Variants in MMS19 observed in about 807,000 individuals in gnomAD.
MMS19 encodes the protein MMS19 cytosolic iron-sulfur assembly component.
MMS19 carries 77 observed loss-of-function variants against 129.8 expected under a neutral mutation model. The ratio of observed to expected loss-of-function variants is 0.59; its 90% confidence interval spans 0.49 to 0.72. The LOEUF (loss-of-function observed/expected upper bound fraction) is 0.72, where lower values mean the gene tolerates loss of function less well. Ranked by LOEUF, MMS19 falls within the 30% of genes least tolerant of loss-of-function variation. The pLI, the probability that MMS19 is intolerant of heterozygous loss-of-function variation, is 0.00. For missense variants in MMS19, 1,168 were observed against 1,266.3 expected (o/e 0.92, Z 1.18); for synonymous variants, 491 against 502.8 (o/e 0.98, Z 0.31).
At chr10:97,495,727 A>C (rs1270058679) in intron 1 of MMS19, among the ~76,000 whole-genome samples, 1 of 152,122 alleles carries the variant, frequency 6.6e-6, no homozygotes, top group African/African-American at 2.4e-5. Context: ...ACACAATCCA[A>C]CCCTACCAAA....
chr10:97,469,423 G>A (rs2034218075), intron 11 of MMS19, among the ~76,000 whole-genome samples: 1 of 152,172 alleles, frequency 6.6e-6, no homozygotes, highest in Non-Finnish European at 1.5e-5. Context: ...AGTGGGTAAT[G>A]TGCAAAGGTG....
At chr10:97,472,700 C>T (rs1589660441) in intron 8 of MMS19, among the ~76,000 whole-genome samples, 1 of 152,152 alleles carries the variant, frequency 6.6e-6, no homozygotes, top group South Asian at 2.1e-4. Flanking sequence ...ACCTCTGCCT[C>T]CCCAGCCCAA....
intron 6 of MMS19, 171 bp downstream of exon 6, chr10:97,477,174 ACT>A (rs2035921308): frequency 1.4e-6 from 2 of 1,476,044 alleles, no homozygotes. Context: ...GCTCAAACAA[ACT>A]CTACCCTTTC....
intron 3 of MMS19, among the ~76,000 whole-genome samples, chr10:97,479,634 A>C (rs1166551008): frequency 1.3e-5 from 2 of 152,264 alleles, no homozygotes; most frequent in Admixed American, 1.3e-4. Flanking sequence ...ATTTTTTCCC[A>C]ATCAGTCACA....
At chr10:97,485,732 G>A (rs1311357484) in intron 1 of MMS19, among the ~76,000 whole-genome samples, 1 of 152,228 alleles carries the variant, frequency 6.6e-6, no homozygotes, top group Non-Finnish European at 1.5e-5. Flanking sequence ...ACAGGCATAA[G>A]CCACCGCACC....
intron 14 of MMS19, among the ~76,000 whole-genome samples, chr10:97,467,222 G>A (rs1378937215): frequency 1.1e-4 from 16 of 152,066 alleles, no homozygotes; most frequent in Admixed American, 9.8e-4. Flanking sequence ...CAAGTTTTCC[G>A]CCTGCCTTAG....
chr10:97,486,895 A>ATATATATATATT (rs57015711), intron 1 of MMS19, among the ~76,000 whole-genome samples: 1 of 140,284 alleles, frequency 7.1e-6, no homozygotes, highest in Non-Finnish European at 1.6e-5. Flanking sequence ...ATATATATAT[A>ATATATATATATT]AAATTAAGAC....
chr10:97,486,097 A>G (rs1043589144), intron 1 of MMS19, among the ~76,000 whole-genome samples: 40 of 152,238 alleles, frequency 2.6e-4, no homozygotes, highest in African/African-American at 9.2e-4. Flanking sequence ...TAAATCAATA[A>G]AGAAAATGTG....
intron 9 of MMS19, 128 bp from the exon 10 acceptor site, chr10:97,470,331 G>T: frequency 1.4e-6 from 1 of 695,064 alleles, no homozygotes. Flanking sequence ...CAAGTCAGGA[G>T]CTATGAATGT....
At chr10:97,459,965 C>A in intron 26 of MMS19, 81 bp downstream of exon 26, 1 of 1,444,694 alleles carries the variant, frequency 6.9e-7, no homozygotes, top group Non-Finnish European at 9.5e-7. Flanking sequence ...AAGAAGCAAG[C>A]GGGCCCTAAA....
At chr10:97,496,350 T>C (rs1245456197) in intron 1 of MMS19, among the ~76,000 whole-genome samples, 1 of 151,810 alleles carries the variant, frequency 6.6e-6, no homozygotes, top group Non-Finnish European at 1.5e-5. Flanking sequence ...ACCTCGTCAC[T>C]ACAATACAAA....
At chr10:97,471,777 C>T (rs983361813) in intron 8 of MMS19, among the ~76,000 whole-genome samples, 1 of 152,188 alleles carries the variant, frequency 6.6e-6, no homozygotes, top group Admixed American at 6.5e-5. Context: ...TCCCGAAGTG[C>T]TGGGATTACA....
intron 3 of MMS19, among the ~76,000 whole-genome samples, chr10:97,479,460 C>T (rs7893589): frequency 0.012 from 1,857 of 152,200 alleles, 34 homozygotes; most frequent in African/African-American, 0.043. Flanking sequence ...GGAGTCATCA[C>T]CCCAAACCCC....
intron 20 of MMS19, 29 bp downstream of exon 20, chr10:97,462,554 G>A (rs1426847627): frequency 6.4e-7 from 1 of 1,550,686 alleles, no homozygotes; most frequent in African/African-American, 1.4e-5. Flanking sequence ...TTCTCCCTGG[G>A]TTCAAGCCAC....
chr10:97,498,648 G>T (rs1399400880), upstream of MMS19: 1 of 486,700 alleles, frequency 2.1e-6, no homozygotes. Context: ...CCGGGAGACG[G>T]GCTGCGGGGC....
Position 97,458,427 on chromosome 10 carries a change from C to A in MMS19, c.*265G>T. 1 of 485,328 alleles carries A rather than the reference C, an allele frequency of 2.1e-6. No homozygotes were observed. The highest frequency in any genetic ancestry group is 3.7e-6 in the Non-Finnish European group (1 of 273,968). The allele number at this position is 485,328 out of a possible 1,614,324, so 30.1% of individuals were successfully genotyped here. Reference sequence around the variant, plus strand: ...CTCACCCCTCAGCAGCATATCGCCCCTTTTCTGACATATAAATGCAAGAGA... The same window carrying A: ...CTCACCCCTCAGCAGCATATCGCCCATTTTCTGACATATAAATGCAAGAGA... On this transcript the variant is annotated 3_prime_UTR_variant, in exon 31 of 31. Transcript: ENST00000438925.
At chr10:97,465,568 G>T (rs2033278754) in intron 18 of MMS19, among the ~76,000 whole-genome samples, 1 of 152,268 alleles carries the variant, frequency 6.6e-6, no homozygotes, top group South Asian at 2.1e-4. Context: ...GCCTCCCAAA[G>T]TGCTGAGATT....
intron 20 of MMS19, 43 bp from the exon 21 acceptor site, chr10:97,462,162 A>G: frequency 7.1e-7 from 1 of 1,408,248 alleles, no homozygotes; most frequent in Non-Finnish European, 9.8e-7. Flanking sequence ...CTAGGATTCT[A>G]AAGCAGCCCT....
intron 8 of MMS19, among the ~76,000 whole-genome samples, chr10:97,472,058 A>AC (rs2034825848): frequency 6.6e-6 from 1 of 152,210 alleles, no homozygotes; most frequent in Non-Finnish European, 1.5e-5. Flanking sequence ...GACAGGGCCT[A>AC]CTAAGTACCC....
Sources: allele counts gnomAD v4.1 joint callset (sites outside exome capture counted in the v4.1 genomes callset), GRCh38; gene constraint gnomAD v4.1.1; transcripts MANE v1.5; gene names NCBI Gene and HGNC (gene_info 2026-07-23, HGNC 2026-07-21).